Variants in DIPK2A observed in about 807,000 individuals in gnomAD.
DIPK2A encodes the protein divergent protein kinase domain 2A.
In DIPK2A, 27 loss-of-function variants were observed where a neutral mutation model predicts 39.0. The ratio of observed to expected loss-of-function variants is 0.69; its 90% CI spans 0.51 to 0.96. The LOEUF is 0.96. Ranked by LOEUF, DIPK2A falls within the 40% of genes least tolerant of loss-of-function variation. The probability of loss-of-function intolerance (pLI) is 0.00; values close to 1 mark genes in which losing one functional copy is unlikely to be tolerated. For missense variants in DIPK2A, 528 were observed against 571.3 expected, an observed-to-expected ratio of 0.92 and a Z score of 0.77; for synonymous variants, 298 against 240.8, an observed-to-expected ratio of 1.24 and a Z score of -2.20.
rs180823501 is a variant in DIPK2A at position 143,986,086 on chromosome 3, G to C, written c.961+240G>C. ...GTTATTTGAAATATATCTAACCTACGGGACATCATAGCTTAGTCTTGCCTA... is the reference window on the plus strand; with the variant it reads ...GTTATTTGAAATATATCTAACCTACCGGACATCATAGCTTAGTCTTGCCTA... On this transcript the variant is annotated intron_variant, in intron 2 of 2. Transcript: ENST00000315691. The C allele has an allele frequency of 3.3e-4, 158 of 472,852 alleles. 1 individual carries two copies. The East Asian group carries it at 5.9e-3, about 18-fold the overall frequency. 29.3% of individuals were successfully genotyped at this position (472,852 alleles called of 1,614,324 possible).
chr3:143,973,230 C>A (rs1559852216), intron 1 of DIPK2A: 3 of 1,118,126 alleles, frequency 2.7e-6, no homozygotes, highest in Non-Finnish European at 3.9e-6. Flanking sequence ...TCGGATTTGA[C>A]TGTGGATCTT....
chr3:143,979,002 G>A (rs2087790782), intron 1 of DIPK2A, among the ~76,000 whole-genome samples: 1 of 152,000 alleles, frequency 6.6e-6, no homozygotes, highest in Non-Finnish European at 1.5e-5. Context: ...AGTAATATCT[G>A]TTAAATGTTT....
At position 143,972,305 on chromosome 3, in the gene DIPK2A, GCC is replaced by G; in HGVS notation, c.-26_-25del. On this transcript the variant is annotated 5_prime_UTR_variant, in exon 1 of 3. Coordinates refer to ENST00000315691, the MANE Select transcript of DIPK2A (RefSeq NM_173552.5). ...GCGGGGGCGCCCCGGGGGTGCCCTCGCCCTCCCGTTGCGGGCGGGCGGGCGGT... is the reference window on the plus strand; with the variant it reads ...GCGGGGGCGCCCCGGGGGTGCCCTCGCTCCCGTTGCGGGCGGGCGGGCGGT... 1 of 1,346,228 alleles carries G rather than the reference GCC, an allele frequency of 7.4e-7. No individual in the cohort carries two copies. The highest frequency in any genetic ancestry group is 9.5e-7 in the Non-Finnish European group (1 of 1,054,744). The allele number at this position is 1,346,228 out of a possible 1,614,324, so 83.4% of individuals were successfully genotyped here.
intron 2 of DIPK2A, 72 bp downstream of exon 2, chr3:143,985,918 A>G (rs991840949): frequency 1.1e-4 from 139 of 1,290,018 alleles, no homozygotes; most frequent in Middle Eastern, 2.2e-4. Context: ...ACTTGTATGA[A>G]ATGAGCCTTG....
intron 2 of DIPK2A, among the ~76,000 whole-genome samples, chr3:143,986,974 G>T (rs751344566): frequency 2.6e-5 from 4 of 152,068 alleles, no homozygotes; most frequent in Non-Finnish European, 5.9e-5. Context: ...CCATATATTA[G>T]GTTGACATTT....
intron 1 of DIPK2A, among the ~76,000 whole-genome samples, chr3:143,983,923 GATT>G (rs1559855899): frequency 6.6e-6 from 1 of 152,102 alleles, no homozygotes; most frequent in Non-Finnish European, 1.5e-5. Flanking sequence ...AAAATCTGTT[GATT>G]AGTCACTTCC....
At chr3:143,980,560 G>A (rs921864958) in intron 1 of DIPK2A, among the ~76,000 whole-genome samples, 5 of 152,036 alleles carry the variant, frequency 3.3e-5, no homozygotes, top group South Asian at 2.1e-4. Flanking sequence ...AAGCCACCGC[G>A]CCTGGCCCCT....
intron 1 of DIPK2A, among the ~76,000 whole-genome samples, chr3:143,978,674 ATATATATC>A (rs2087782863): frequency 2.3e-5 from 1 of 43,248 alleles, no homozygotes; most frequent in African/African-American, 1.4e-4. Context: ...ATATAGATAT[ATATATATC>A]TATATATATA....
At position 143,972,837 on chromosome 3, in the gene DIPK2A, C is replaced by T. The variant is rs1376965552; in HGVS notation, c.505C>T (p.His169Tyr). 1.3e-6 allele frequency: 2 copies of T among 1,566,598 alleles called. No individual in the cohort carries two copies. Among genetic ancestry groups the T allele is most frequent in the East Asian group, 2.3e-5 (1 of 42,788 alleles). Residue 169 changes from histidine (H) to tyrosine (Y), a missense_variant, in exon 1 of 3, where the codon CAC (histidine) becomes TAC (tyrosine). This residue lies in a region of DIPK2A where 309 missense variants were observed against 289.8 expected (regional missense o/e 1.07). Transcript: ENST00000315691. ...GGTGGAGGGCTGGTCGGACCTGGTG[C>T]ACTGCCCCTCGCAGCGCCTTCTCGA... is the stretch of plus-strand genomic sequence containing the variant. ...EAVEGWSDLV[H>Y]CPSQRLLDRL...
At chr3:143,974,250 A>C (rs1034284874) in intron 1 of DIPK2A, among the ~76,000 whole-genome samples, 2 of 152,158 alleles carry the variant, frequency 1.3e-5, no homozygotes, top group Non-Finnish European at 2.9e-5. Flanking sequence ...TGATTAGTTC[A>C]GCCAAATAAT....
At position 143,990,811 on chromosome 3, in the gene DIPK2A, C is replaced by T. The variant is rs903299672; in HGVS notation, c.*970C>T. The T allele has an allele frequency of 6.6e-6, 1 of 152,596 alleles. No homozygotes were observed. The highest frequency in any genetic ancestry group is 2.1e-4 in the South Asian group (1 of 4,836). The allele number at this position is 152,596 out of a possible 1,614,324, so 9.5% of individuals were successfully genotyped here. A position where few individuals can be genotyped will look rare whatever the true frequency, so the allele number is the denominator to read the frequency against. On this transcript the variant is annotated 3_prime_UTR_variant, in exon 3 of 3. Coordinates refer to ENST00000315691, the MANE Select transcript of DIPK2A (RefSeq NM_173552.5). ...TGGTCAGCTACTTATTCTTACCACC[C>T]TACTTCCAGTATTTTAGCTCTGTCA...
intron 2 of DIPK2A, among the ~76,000 whole-genome samples, chr3:143,988,466 C>T (rs2087936563): frequency 6.6e-6 from 1 of 152,142 alleles, no homozygotes; most frequent in Admixed American, 6.5e-5. Context: ...CTTGGTGCTT[C>T]TGCTACAATG....
intron 1 of DIPK2A, among the ~76,000 whole-genome samples, chr3:143,978,683 T>G (rs1380657869): frequency 1.0e-5 from 1 of 99,876 alleles, no homozygotes; most frequent in Admixed American, 1.1e-4. Flanking sequence ...TATATATATC[T>G]ATATATATAT....
intron 1 of DIPK2A, among the ~76,000 whole-genome samples, chr3:143,981,040 C>A (rs980086976): frequency 6.6e-6 from 1 of 152,030 alleles, no homozygotes; most frequent in African/African-American, 2.4e-5. Context: ...AAAATGTATT[C>A]TTTTATGTAT....
intron 1 of DIPK2A, among the ~76,000 whole-genome samples, chr3:143,985,044 CTG>C (rs1446569925): frequency 6.6e-6 from 1 of 152,188 alleles, no homozygotes; most frequent in Non-Finnish European, 1.5e-5. Flanking sequence ...TGTTTGGTGA[CTG>C]CATGCTCTTC....
chr3:143,981,862 T>C (rs1025212494), intron 1 of DIPK2A, among the ~76,000 whole-genome samples: 3 of 152,226 alleles, frequency 2.0e-5, no homozygotes, highest in African/African-American at 7.2e-5. Context: ...CTGTGTGACT[T>C]TAGGTAAATC....
intron 1 of DIPK2A, chr3:143,973,469 C>G (rs1576804670): frequency 5.8e-6 from 9 of 1,550,950 alleles, no homozygotes; most frequent in Non-Finnish European, 7.8e-6. Flanking sequence ...GTCTCAGAGT[C>G]TTTGTTTTCG....
rs779223438 is a variant in DIPK2A, at chr3:143,985,811, A to G, written c.926A>G (p.Asn309Ser). Reference protein sequence around the residue: ...DGKVIIVDAENVLVADKRLIR... With the variant: ...DGKVIIVDAESVLVADKRLIR... ...AAGGTAATCATTGTGGATGCTGAAA[A>G]TGTTTTGGTTGCTGACAAAAGATTA... is the stretch of plus-strand genomic sequence containing the variant. The change falls in exon 2 of 3, where the codon AAT becomes AGT. Residue 309 changes from asparagine (N) to serine (S), a missense_variant. Coordinates refer to ENST00000315691, the MANE Select transcript of DIPK2A (RefSeq NM_173552.5). The G allele has an allele frequency of 4.3e-6, 7 of 1,613,350 alleles. No individual in the cohort carries two copies. The highest frequency in any genetic ancestry group is 5.9e-6 in the Non-Finnish European group (7 of 1,179,632).
At position 143,972,293 on chromosome 3, in the gene DIPK2A, G is replaced by A. The variant is rs2087661083; in HGVS notation, c.-40G>A. On this transcript the variant is annotated 5_prime_UTR_variant, in exon 1 of 3. Coordinates refer to ENST00000315691, the MANE Select transcript of DIPK2A (RefSeq NM_173552.5). ...GGTCTTGGCGCGGCGGGGGCGCCCC[G>A]GGGGTGCCCTCGCCCTCCCGTTGCG... 7 of 1,342,208 alleles carry A rather than the reference G, an allele frequency of 5.2e-6. No homozygotes were observed. The highest frequency in any genetic ancestry group is 4.8e-6 in the Non-Finnish European group (5 of 1,052,216). The allele number at this position is 1,342,208 out of a possible 1,614,324, so 83.1% of individuals were successfully genotyped here.
Sources: gnomAD v4.1 joint callset for allele counts (sites outside exome capture counted in the v4.1 genomes callset) on GRCh38, gnomAD v4.1.1 for gene constraint, gnomAD v4.1.1 regional missense constraint, MANE v1.5 for transcripts, NCBI Gene and HGNC (gene_info 2026-07-23, HGNC 2026-07-21) for gene names.